Variants in AGAP6 observed in about 807,000 individuals in gnomAD.
AGAP6 encodes the protein ArfGAP with GTPase domain, ankyrin repeat and PH domain 6.
In AGAP6, 29 loss-of-function variants were observed where a neutral mutation model predicts 63.9. The ratio of observed to expected loss-of-function variants is 0.45; its 90% confidence interval spans 0.34 to 0.62. The LOEUF (loss-of-function observed/expected upper bound fraction) is 0.62, where lower values mean the gene tolerates loss of function less well. AGAP6 is among the 20% of genes least tolerant of loss of function. AGAP6 has a pLI of 0.01. For missense variants in AGAP6, 493 were observed against 884.9 expected, an observed-to-expected ratio of 0.56 and a Z score of 5.62; for synonymous variants, 199 against 332.9, an observed-to-expected ratio of 0.60 and a Z score of 4.38.
chr10:49,995,948 C>G lies in AGAP6; in HGVS notation c.396+1519C>G, dbSNP rs1346288377. On this transcript the variant is annotated intron_variant, in intron 4 of 7. Transcript: ENST00000412531. ...CGGAAGCTTTTTAGAATCTCTCTCT[C>G]TAAGGTTCTGAAATTTTATAACAGC... Among the ~76,000 whole-genome samples, 10 of 152,140 alleles carry G rather than the reference C, an allele frequency of 6.6e-5. No homozygotes were observed. The East Asian group carries it at 1.9e-3, about 29-fold the overall frequency.
chr10:50,005,211 G>A (rs2132155743), intron 6 of AGAP6, among the ~76,000 whole-genome samples: 1 of 152,336 alleles, frequency 6.6e-6, no homozygotes, highest in East Asian at 1.9e-4. Flanking sequence ...ACAACAAAAA[G>A]TTGAGTAAAA....
intron 7 of AGAP6, among the ~76,000 whole-genome samples, 195 bp downstream of exon 7, chr10:50,008,271 A>G (rs1554864318): frequency 6.7e-6 from 1 of 149,256 alleles, no homozygotes; most frequent in Non-Finnish European, 1.5e-5. Context: ...ATGAGTAAAT[A>G]TACTATCCAA....
Position 50,010,145 on chromosome 10 carries a change from A to G in AGAP6, c.2020A>G (p.Asn674Asp). 6 of 1,608,270 alleles carry G rather than the reference A, an allele frequency of 3.7e-6. No individual in the cohort carries two copies. Among genetic ancestry groups the G allele is most frequent in the Non-Finnish European group, 5.1e-6 (6 of 1,176,874 alleles). The change falls in exon 8 of 8, where the codon AAC becomes GAC. Residue 674 changes from asparagine (N) to aspartate (D), a missense_variant. Coordinates refer to ENST00000412531, the MANE Select transcript of AGAP6 (RefSeq NM_001077665.3). The part of the protein sequence containing the change: ...ARQASSQECI[N>D]VLLQYGCPDE... Reference sequence around the variant, plus strand: ...GCAGGCCTCCAGCCAGGAGTGCATCAACGTGCTTCTGCAGTACGGCTGCCC... The same window carrying G: ...GCAGGCCTCCAGCCAGGAGTGCATCGACGTGCTTCTGCAGTACGGCTGCCC...
chr10:50,005,558 C>T (rs1841884978), intron 6 of AGAP6, among the ~76,000 whole-genome samples: 1 of 152,070 alleles, frequency 6.6e-6, no homozygotes, highest in Admixed American at 6.5e-5. Flanking sequence ...TTGCAGAGAG[C>T]TGAGATGGTG....
At chr10:50,005,078 G>A (rs189290248) in intron 6 of AGAP6, among the ~76,000 whole-genome samples, 19 of 152,030 alleles carry the variant, frequency 1.2e-4, no homozygotes, top group African/African-American at 2.4e-4. Context: ...AGAGTTTAGC[G>A]GTATTCATGG....
At chr10:49,990,099 T>G (rs1841209815) in intron 2 of AGAP6, among the ~76,000 whole-genome samples, 1 of 152,190 alleles carries the variant, frequency 6.6e-6, no homozygotes, top group Non-Finnish European at 1.5e-5. Context: ...GGCTCCCCGT[T>G]TGTCCCTTCC....
chr10:49,991,615 G>A (rs533177412), intron 2 of AGAP6, 61 bp from the exon 3 acceptor site: 4 of 1,590,712 alleles, frequency 2.5e-6, no homozygotes, highest in East Asian at 4.5e-5. Context: ...TCGAATAAAC[G>A]AGTTGATAAA....
chr10:50,002,028 C>G lies in AGAP6; in HGVS notation c.429C>G (p.Ser143Arg). ...VSAVRFSQQY[S>R]LCSTIFLDDS... is the part of the protein sequence containing the mutation. ...CTGTGCGTTTCAGTCAACAATACAG[C>G]TTGTGTTCGACAATATTCCTTGATG... The change falls in exon 5 of 8, where the codon AGC becomes AGG. Residue 143 changes from serine (S) to arginine (R), a missense_variant. This residue lies in a region of AGAP6 where 342 missense variants were observed against 533.4 expected (regional missense o/e 0.64). Coordinates refer to ENST00000412531, the MANE Select transcript of AGAP6 (RefSeq NM_001077665.3). 2 of 1,612,734 alleles carry G rather than the reference C, an allele frequency of 1.2e-6. No homozygotes were observed. Among genetic ancestry groups the G allele is most frequent in the Non-Finnish European group, 1.7e-6 (2 of 1,179,962 alleles).
At chr10:49,992,288 A>C (rs879955375) in intron 3 of AGAP6, among the ~76,000 whole-genome samples, 10 of 152,058 alleles carry the variant, frequency 6.6e-5, no homozygotes, top group Admixed American at 1.3e-4. Context: ...CATTTGATGT[A>C]ATGTAAATTT....
At chr10:49,989,651 G>A (rs1308667839) in intron 2 of AGAP6, among the ~76,000 whole-genome samples, 5 of 151,864 alleles carry the variant, frequency 3.3e-5, no homozygotes, top group South Asian at 2.1e-4. Context: ...AGGTTGCCAC[G>A]GGAGAGGCTA....
chr10:49,995,328 C>T (rs1290808003), intron 4 of AGAP6, among the ~76,000 whole-genome samples: 35 of 152,258 alleles, frequency 2.3e-4, no homozygotes, highest in East Asian at 5.8e-4. Flanking sequence ...TCCTAGCCTA[C>T]GTTAGTTTAT....
intron 5 of AGAP6, among the ~76,000 whole-genome samples, chr10:50,003,782 G>T (rs1321964626): frequency 1.3e-5 from 2 of 152,150 alleles, no homozygotes; most frequent in Non-Finnish European, 2.9e-5. Context: ...TCAGTTTTAA[G>T]GTCTGTTTCC....
rs1306043548 is a variant in AGAP6 at position 49,991,389 on chromosome 10, T to G, written c.293-287T>G. ...AGCCAAAATTTACCTCTTCTGTTTTTTTTTTTTTTTTTTTTTAATAAAGGA... is the reference window on the plus strand; with the variant it reads ...AGCCAAAATTTACCTCTTCTGTTTTGTTTTTTTTTTTTTTTTAATAAAGGA... On this transcript the variant is annotated intron_variant, in intron 2 of 7. Transcript: ENST00000412531. Among the ~76,000 whole-genome samples, 14 of 149,348 alleles carry G rather than the reference T, an allele frequency of 9.4e-5. No individual in the cohort carries two copies. The East Asian group carries it at 2.2e-3, about 23-fold the overall frequency.
In AGAP6 at chr10:49,989,302, A is replaced by G. The variant is rs782592904; in HGVS notation, c.224-6A>G. On this transcript the variant is annotated splice_polypyrimidine_tract_variant and splice_region_variant and intron_variant, in intron 1 of 7. Transcript: ENST00000412531. ...TCCTTTTTCTTTTCTCCCTCTATAC[A>G]TATAGCTTTGGAGTTTAACCTTTCT... The G allele has an allele frequency of 3.1e-6, 5 of 1,597,344 alleles. No individual in the cohort carries two copies. Among genetic ancestry groups the G allele is most frequent in the African/African-American group, 1.3e-5 (1 of 74,882 alleles).
intron 3 of AGAP6, among the ~76,000 whole-genome samples, chr10:49,993,839 A>G (rs1284113128): frequency 2.1e-5 from 3 of 142,210 alleles, no homozygotes; most frequent in Non-Finnish European, 3.1e-5. Flanking sequence ...AAAAAAAAAA[A>G]TTAAGATATG....
intron 4 of AGAP6, among the ~76,000 whole-genome samples, 198 bp downstream of exon 4, chr10:49,994,627 A>G (rs1457347952): frequency 7.2e-5 from 11 of 152,132 alleles, no homozygotes; most frequent in African/African-American, 2.7e-4. Context: ...CCTTTTAAAG[A>G]TTTCTGACAT....
At chr10:49,991,384 G>GTTTTT (rs781847792) in intron 2 of AGAP6, among the ~76,000 whole-genome samples, 8 of 114,028 alleles carry the variant, frequency 7.0e-5, no homozygotes, top group Non-Finnish European at 8.7e-5. Context: ...TACCTCTTCT[G>GTTTTT]TTTTTTTTTT....
chr10:49,999,153 G>T (rs1217383093), intron 4 of AGAP6, among the ~76,000 whole-genome samples: 1 of 136,584 alleles, frequency 7.3e-6, no homozygotes, highest in African/African-American at 2.8e-5. Flanking sequence ...CAGGAGAATC[G>T]CTTGAACCTC....
rs1283297981 is a variant in AGAP6, at chr10:49,999,747, G to A, written c.397-2249G>A. 3.9e-4 allele frequency among the ~76,000 whole-genome samples: 52 copies of A among 133,144 alleles called. 5 individuals are homozygous for A. The highest frequency in any genetic ancestry group is 7.6e-4 in the African/African-American group (26 of 34,082). 87.3% of individuals were successfully genotyped at this position (133,144 alleles called of 152,430 possible). On this transcript the variant is annotated intron_variant, in intron 4 of 7. Transcript: ENST00000412531. Reference sequence around the variant, plus strand: ...ACTCCTCCAAAAAGCTCCTAGAACCGATAAATGAATTCAGCAAAGTTTCAG... The same window carrying A: ...ACTCCTCCAAAAAGCTCCTAGAACCAATAAATGAATTCAGCAAAGTTTCAG...
Sources: gnomAD v4.1 joint callset for allele counts (sites outside exome capture counted in the v4.1 genomes callset) on GRCh38, gnomAD v4.1.1 for gene constraint, gnomAD v4.1.1 regional missense constraint, MANE v1.5 for transcripts, NCBI Gene and HGNC (gene_info 2026-07-23, HGNC 2026-07-21) for gene names.